The following TREML4 variants were observed in gnomAD, a reference collection of about 807,000 sequenced individuals.
The protein encoded by TREML4 is trem-like transcript 4 protein.
A neutral mutation model predicts 25.4 loss-of-function variants in TREML4; 25 were observed. The observed-to-expected ratio is 0.98, with a 90% CI of 0.72 to 1.37. The LOEUF (loss-of-function observed/expected upper bound fraction) is 1.37. TREML4 is among the 40% of genes most tolerant of loss of function. The pLI is 0.00. For missense variants in TREML4, 268 were observed against 236.5 expected (o/e 1.13, Z -0.87); for synonymous variants, 92 against 87.9 (o/e 1.05, Z -0.26).
In TREML4 at chr6:41,231,483, A is replaced by G. The variant is rs533052291; in HGVS notation, c.506+1361A>G. 6.6e-5 allele frequency among the ~76,000 whole-genome samples: 10 copies of G among 152,306 alleles called. No homozygotes were observed. The South Asian group carries it at 2.1e-3, about 32-fold the overall frequency. ...TAAAAGAATGGAAACACACCCAACA[A>G]TAGAAACCTGTGAAGCAGAACTATG... On this transcript the variant is annotated intron_variant, in intron 4 of 5. Coordinates refer to ENST00000341495, the MANE Select transcript of TREML4 (RefSeq NM_198153.3).
At chr6:41,228,673 A>G (rs1408740971) in intron 1 of TREML4, 41 bp from the exon 2 acceptor site, 9 of 1,583,662 alleles carry the variant, frequency 5.7e-6, no homozygotes, top group African/African-American at 2.7e-5. Flanking sequence ...GTCCCTTCAG[A>G]GCTCTGACCT....
At chr6:41,236,406 G>T (rs1272344263) in intron 4 of TREML4, 80 bp from the exon 5 acceptor site, 1 of 1,229,464 alleles carries the variant, frequency 8.1e-7, no homozygotes, top group South Asian at 1.3e-5. Flanking sequence ...GCTACAAGGG[G>T]CCTGCCTGGC....
At chr6:41,230,710 C>T (rs566737446) in intron 4 of TREML4, among the ~76,000 whole-genome samples, 1 of 152,172 alleles carries the variant, frequency 6.6e-6, no homozygotes, top group African/African-American at 2.4e-5. Flanking sequence ...AACTCCAGCA[C>T]GGGTAGATTA....
chr6:41,234,881 G>C (rs1260770407), intron 4 of TREML4, among the ~76,000 whole-genome samples: 7 of 151,094 alleles, frequency 4.6e-5, no homozygotes. Flanking sequence ...GAACAGGTTA[G>C]TGTCATCAAA....
At chr6:41,231,096 G>A (rs2113939022) in intron 4 of TREML4, 1 of 444,974 alleles carries the variant, frequency 2.2e-6, no homozygotes, top group Non-Finnish European at 4.5e-6. Context: ...CCCAGTTGTA[G>A]GAAATCAAGT....
intron 4 of TREML4, among the ~76,000 whole-genome samples, chr6:41,236,161 G>GGC (rs57248829): frequency 0.34 from 51,314 of 151,598 alleles, 8,630 homozygotes; most frequent in Middle Eastern, 0.42. Flanking sequence ...GATTCCTAAG[G>GGC]TCGGATGGTC....
chr6:41,234,295 G>A (rs1220950831), intron 4 of TREML4, among the ~76,000 whole-genome samples: 1 of 151,902 alleles, frequency 6.6e-6, no homozygotes, highest in Non-Finnish European at 1.5e-5. Flanking sequence ...AAAGTATGAG[G>A]CATAAAATAT....
chr6:41,230,777 T>C (rs1046609583), intron 4 of TREML4, among the ~76,000 whole-genome samples: 9 of 152,170 alleles, frequency 5.9e-5, no homozygotes, highest in African/African-American at 1.9e-4. Flanking sequence ...AGAAAAAGTA[T>C]GGCAGCTAAT....
At chr6:41,230,334 T>C (rs185180107) in intron 4 of TREML4, among the ~76,000 whole-genome samples, 25 of 152,120 alleles carry the variant, frequency 1.6e-4, no homozygotes, top group Non-Finnish European at 3.5e-4. Flanking sequence ...GGAGGAACCA[T>C]GGAAAAGACA....
At chr6:41,236,681 A>C in intron 5 of TREML4, 64 bp downstream of exon 5, 1 of 915,610 alleles carries the variant, frequency 1.1e-6, no homozygotes, top group Non-Finnish European at 1.7e-6. Context: ...TCCTAGAAAG[A>C]TGGCTAGGAA....
In TREML4 at chr6:41,230,075, T is replaced by C; in HGVS notation, c.459T>C (p.Ser153=). Residue 153 remains serine, a synonymous_variant, in exon 4 of 6, where the codon TCT becomes TCC. Coordinates refer to ENST00000341495, the MANE Select transcript of TREML4 (RefSeq NM_198153.3). The stretch of plus-strand genomic sequence containing the variant: ...TGTCCTCTTTAGTTCTGATCACTTC[T>C]CCAGAGGGGACCTCTGGCCATCCCT... ...WLPTSTVLIT[S]PEGTSGHPSI... is the part of the protein sequence containing the mutation. The C allele has an allele frequency of 6.2e-7, 1 of 1,611,460 alleles. No homozygotes were observed. The highest frequency in any genetic ancestry group is 8.5e-7 in the Non-Finnish European group (1 of 1,177,600).
rs1298685183 is a variant in TREML4, at chr6:41,228,714, G to A, written c.64G>A (p.Gly22Ser). 3 of 1,610,626 alleles carry A rather than the reference G, an allele frequency of 1.9e-6. No homozygotes were observed. The highest frequency in any genetic ancestry group is 1.3e-5 in the African/African-American group (1 of 74,896). The change falls in exon 2 of 6, where the codon GGT (glycine) becomes AGT (serine). Residue 22 changes from glycine to serine, a missense_variant and splice_region_variant. By Grantham distance (56) the Gly-to-Ser change is moderately conservative. Transcript: ENST00000341495. ...TCTTTCTGCCGGTTCCTGGGTAAAGGGTGCTGTGCCTGAAGAACTTCACAA... is the reference window on the plus strand; with the variant it reads ...TCTTTCTGCCGGTTCCTGGGTAAAGAGTGCTGTGCCTGAAGAACTTCACAA... Reference protein sequence around the residue: ...HLCCCCSWPQGAVPEELHKHP... With the variant: ...HLCCCCSWPQSAVPEELHKHP...
intron 1 of TREML4, 47 bp downstream of exon 1, chr6:41,228,537 G>A: frequency 6.3e-7 from 1 of 1,586,872 alleles, no homozygotes; most frequent in Non-Finnish European, 8.6e-7. Context: ...GTGGGATGAA[G>A]AATGAGTGGG....
intron 4 of TREML4, among the ~76,000 whole-genome samples, chr6:41,233,850 C>T (rs1284678166): frequency 6.6e-6 from 1 of 150,678 alleles, no homozygotes; most frequent in Non-Finnish European, 1.5e-5. Context: ...ATAATATTTT[C>T]AAATATATAA....
chr6:41,235,580 T>C (rs1365353274), intron 4 of TREML4, among the ~76,000 whole-genome samples: 4 of 152,202 alleles, frequency 2.6e-5, no homozygotes, highest in Non-Finnish European at 5.9e-5. Context: ...ACAAAGTCTA[T>C]AAAGTTTCTA....
At position 41,229,933 on chromosome 6, in the gene TREML4, C is replaced by A; in HGVS notation, c.446-129C>A. 3 of 785,598 alleles carry A rather than the reference C, an allele frequency of 3.8e-6. No homozygotes were observed. In the South Asian group the frequency reaches 4.4e-5, roughly 11 times the overall value. 48.7% of individuals were successfully genotyped at this position (785,598 alleles called of 1,614,324 possible). A position where few individuals can be genotyped will look rare whatever the true frequency, so the allele number is the denominator to read the frequency against. On this transcript the variant is annotated intron_variant, in intron 3 of 5. Coordinates refer to ENST00000341495, the MANE Select transcript of TREML4 (RefSeq NM_198153.3). ...TTATGGAGATCTCAGGCCTCAGTTA[C>A]CCTTAGCCTGAGGGACCCTTAGGGG...
chr6:41,233,877 T>C (rs543231132), intron 4 of TREML4, among the ~76,000 whole-genome samples: 2 of 151,332 alleles, frequency 1.3e-5, no homozygotes, highest in Admixed American at 6.6e-5. Context: ...TAGTTACAGA[T>C]TGAAAAATGT....
intron 4 of TREML4, among the ~76,000 whole-genome samples, chr6:41,230,591 G>A (rs1408352045): frequency 6.6e-6 from 1 of 152,156 alleles, no homozygotes; most frequent in Non-Finnish European, 1.5e-5. Context: ...CAATAGACTA[G>A]GTCACAGGTG....
At chr6:41,229,074 G>C in intron 2 of TREML4, 30 bp downstream of exon 2, 4 of 1,576,458 alleles carry the variant, frequency 2.5e-6, no homozygotes, top group Non-Finnish European at 3.5e-6. Context: ...AAATACCTCT[G>C]TGCCACCCCC....
Sources: allele counts gnomAD v4.1 joint callset (sites outside exome capture counted in the v4.1 genomes callset), GRCh38; gene constraint gnomAD v4.1.1; transcripts MANE v1.5; gene names NCBI Gene and HGNC (gene_info 2026-07-23, HGNC 2026-07-21).